SGCZ: variants seen among roughly 807,000 people sequenced by gnomAD.
SGCZ encodes zeta-sarcoglycan.
In SGCZ, 40 loss-of-function variants were observed where a neutral mutation model predicts 41.3. The observed-to-expected ratio is 0.97, with a 90% CI of 0.75 to 1.26. The LOEUF is 1.26. Among genes scored for constraint, SGCZ ranks in the 50% most tolerant of loss-of-function variants. The pLI, the probability that SGCZ is intolerant of heterozygous loss-of-function variation, is 0.00. For synonymous variants in SGCZ, 206 were observed against 137.5 expected, an observed-to-expected ratio of 1.50 and a Z score of -3.49; for missense variants, 552 against 369.8, an observed-to-expected ratio of 1.49 and a Z score of -4.04.
At chr8:15,055,795 C>A (rs1426429233) in intron 1 of SGCZ, among the ~76,000 whole-genome samples, 2 of 152,160 alleles carry the variant, frequency 1.3e-5, no homozygotes, top group African/African-American at 4.8e-5. Context: ...CCATCACTGT[C>A]CTTGAGGTGC....
chr8:14,682,685 C>T (rs1049509147), intron 1 of SGCZ, among the ~76,000 whole-genome samples: 1 of 152,114 alleles, frequency 6.6e-6, no homozygotes, highest in Non-Finnish European at 1.5e-5. Context: ...CGGCCCGCCT[C>T]GGCCTCCCAA....
rs1563322056 is a variant in SGCZ at position 14,427,077 on chromosome 8, CGAATGAATGAGT to C, written c.235-102885_235-102874del. 6.2e-5 allele frequency among the ~76,000 whole-genome samples: 9 copies of C among 146,200 alleles called. No homozygotes were observed. The East Asian group carries it at 7.8e-4, about 13-fold the overall frequency. ...ATGAATGAATGAATGAGTGAATGAA[CGAATGAATGAGT>C]GAATGAATGAATGAGTGAATGAATG... On this transcript the variant is annotated intron_variant, in intron 2 of 7. Coordinates refer to ENST00000382080, the MANE Select transcript of SGCZ (RefSeq NM_139167.4).
chr8:14,657,890 A>T (rs1421355270), intron 1 of SGCZ, among the ~76,000 whole-genome samples: 3 of 152,216 alleles, frequency 2.0e-5, no homozygotes, highest in African/African-American at 7.2e-5. Flanking sequence ...TATCCTAATA[A>T]GAATCAGGCT....
chr8:15,069,516 A>G (rs1585531857), intron 1 of SGCZ, among the ~76,000 whole-genome samples: 1 of 152,296 alleles, frequency 6.6e-6, no homozygotes, highest in Admixed American at 6.5e-5. Context: ...TTTTCACGTT[A>G]ACACCACCCA....
chr8:14,936,891 C>A (rs1800101042), intron 1 of SGCZ, among the ~76,000 whole-genome samples: 2 of 151,652 alleles, frequency 1.3e-5, no homozygotes, highest in Non-Finnish European at 3.0e-5. Flanking sequence ...GTAGAATACA[C>A]TAAAATGATA....
intron 1 of SGCZ, among the ~76,000 whole-genome samples, chr8:14,933,908 AG>A (rs1263130875): frequency 6.6e-6 from 1 of 152,034 alleles, no homozygotes. Flanking sequence ...AAAAACACAC[AG>A]GGACAAAATA....
rs541189949 is a variant in SGCZ, at chr8:14,961,834, C to G, written c.39+275751G>C. The stretch of plus-strand genomic sequence containing the variant: ...TAGTACAGGATCACTCAACAGACAA[C>G]ACAGAAACTGCCTTCAAGGTATATG... On this transcript the variant is annotated intron_variant, in intron 1 of 7. Coordinates refer to ENST00000382080, the MANE Select transcript of SGCZ (RefSeq NM_139167.4). 9.9e-5 allele frequency among the ~76,000 whole-genome samples: 15 copies of G among 152,256 alleles called. No individual in the cohort carries two copies. The South Asian group carries it at 2.9e-3, about 29-fold the overall frequency.
At chr8:15,233,876 C>G (rs1453036963) in intron 1 of SGCZ, among the ~76,000 whole-genome samples, 2 of 152,052 alleles carry the variant, frequency 1.3e-5, no homozygotes, top group African/African-American at 4.8e-5. Flanking sequence ...AATCTAGGAT[C>G]TAACTTGACT....
intron 2 of SGCZ, among the ~76,000 whole-genome samples, chr8:14,384,478 A>G (rs1008926425): frequency 6.6e-6 from 1 of 152,216 alleles, no homozygotes; most frequent in African/African-American, 2.4e-5. Flanking sequence ...AGATTGAAAG[A>G]TAATTGGTTG....
chr8:14,750,901 C>T (rs1799477927), intron 1 of SGCZ, among the ~76,000 whole-genome samples: 1 of 152,126 alleles, frequency 6.6e-6, no homozygotes, highest in Admixed American at 6.6e-5. Context: ...ATGAATAAAA[C>T]AGATTGTGAC....
intron 2 of SGCZ, among the ~76,000 whole-genome samples, chr8:14,508,122 T>C (rs532485240): frequency 3.5e-4 from 54 of 152,200 alleles, no homozygotes; most frequent in Non-Finnish European, 6.2e-4. Flanking sequence ...TGAACTGCAA[T>C]CCCTTGCCAT....
intron 1 of SGCZ, among the ~76,000 whole-genome samples, chr8:14,867,851 A>G (rs1803990753): frequency 6.6e-6 from 1 of 151,878 alleles, no homozygotes; most frequent in Non-Finnish European, 1.5e-5. Flanking sequence ...TAATCTGTAC[A>G]ACAAACCCCC....
intron 1 of SGCZ, among the ~76,000 whole-genome samples, chr8:14,745,545 G>T (rs1338062999): frequency 6.6e-6 from 1 of 152,050 alleles, no homozygotes; most frequent in Admixed American, 6.6e-5. Context: ...TCGTGCTACT[G>T]TACCAGGTGA....
At chr8:14,751,444 A>G (rs1799495074) in intron 1 of SGCZ, among the ~76,000 whole-genome samples, 1 of 152,182 alleles carries the variant, frequency 6.6e-6, no homozygotes, top group African/African-American at 2.4e-5. Flanking sequence ...ATAGACAGTT[A>G]CTTAATAGAT....
At chr8:14,733,942 A>G (rs1798948749) in intron 1 of SGCZ, among the ~76,000 whole-genome samples, 1 of 152,236 alleles carries the variant, frequency 6.6e-6, no homozygotes, top group Non-Finnish European at 1.5e-5. Context: ...AAAGCAAAGA[A>G]TAAACCCATG....
intron 1 of SGCZ, among the ~76,000 whole-genome samples, chr8:15,025,809 T>G (rs1045427584): frequency 6.6e-6 from 1 of 152,190 alleles, no homozygotes; most frequent in African/African-American, 2.4e-5. Flanking sequence ...TTTTGTTCCA[T>G]TTGCATCAAC....
chr8:14,150,770 C>T (rs1803675596), intron 5 of SGCZ, among the ~76,000 whole-genome samples: 1 of 152,116 alleles, frequency 6.6e-6, no homozygotes, highest in Non-Finnish European at 1.5e-5. Context: ...TTGGAAACAA[C>T]CTAAGTGTCC....
At chr8:15,096,122 G>A (rs1396950551) in intron 1 of SGCZ, among the ~76,000 whole-genome samples, 1 of 152,100 alleles carries the variant, frequency 6.6e-6, no homozygotes, top group South Asian at 2.1e-4. Flanking sequence ...CTGTACCGCA[G>A]GCTGGAGTGC....
intron 5 of SGCZ, among the ~76,000 whole-genome samples, chr8:14,152,205 A>G (rs552620139): frequency 3.7e-4 from 56 of 152,240 alleles, no homozygotes; most frequent in African/African-American, 1.3e-3. Context: ...ACTGTTACCT[A>G]GAATATGGAA....
Sources: allele counts gnomAD v4.1 joint callset (sites outside exome capture counted in the v4.1 genomes callset), GRCh38; gene constraint gnomAD v4.1.1; transcripts MANE v1.5; gene names NCBI Gene and HGNC (gene_info 2026-07-23, HGNC 2026-07-21).